The following ZNF525 variants were observed in gnomAD, a reference collection of about 807,000 sequenced individuals.
The protein encoded by ZNF525 is zinc finger protein 525.
ZNF525 carries 33 observed loss-of-function variants against 37.6 expected under a neutral mutation model. The ratio of observed to expected loss-of-function variants is 0.88; its 90% confidence interval spans 0.67 to 1.17. The LOEUF is 1.17. Ranked by LOEUF, ZNF525 falls within the 50% of genes most tolerant of loss-of-function variation. ZNF525 has a pLI of 0.00. For synonymous variants in ZNF525, 170 were observed against 182.3 expected (o/e 0.93, Z 0.54); for missense variants, 449 against 543.1 (o/e 0.83, Z 1.72).
At position 53,382,259 on chromosome 19, in the gene ZNF525, C is replaced by A. The variant is rs112464508; in HGVS notation, c.*240C>A. ...GGTGTAATAGGTGTGGCAAGACCTT[C>A]AGTCATACATCATCCCTTACATGCC... On this transcript the variant is annotated 3_prime_UTR_variant, in exon 4 of 4. Transcript: ENST00000474037. 0.025 allele frequency: 37,529 copies of A among 1,496,692 alleles called. 768 individuals are homozygous for A. Among genetic ancestry groups the A allele is most frequent in the Middle Eastern group, 0.08 (468 of 5,828 alleles). 92.7% of individuals were successfully genotyped at this position (1,496,692 alleles called of 1,614,324 possible).
chr19:53,385,351 C>A lies in ZNF525; in HGVS notation c.*3332C>A. ...AGTATAAAAAGAGACTCCATCAAAGCAATATAAATTCTGATGAAATTTAAA... is the reference window on the plus strand; with the variant it reads ...AGTATAAAAAGAGACTCCATCAAAGAAATATAAATTCTGATGAAATTTAAA... On this transcript the variant is annotated 3_prime_UTR_variant, in exon 4 of 4. Transcript: ENST00000474037. 1 of 180,854 alleles carries A rather than the reference C, an allele frequency of 5.5e-6. No individual in the cohort carries two copies. The highest frequency in any genetic ancestry group is 1.7e-4 in the South Asian group (1 of 5,878). The allele number at this position is 180,854 out of a possible 1,614,324, so 11.2% of individuals were successfully genotyped here.
chr19:53,380,604 C>T (rs978353007), intron 3 of ZNF525, 118 bp from the exon 4 acceptor site: 8 of 579,020 alleles, frequency 1.4e-5, no homozygotes, highest in South Asian at 5.7e-5. Context: ...CACATGTAAT[C>T]GCCCTTTATT....
intron 1 of ZNF525, among the ~76,000 whole-genome samples, chr19:53,370,810 T>C (rs934853451): frequency 6.6e-6 from 1 of 152,168 alleles, no homozygotes; most frequent in Non-Finnish European, 1.5e-5. Flanking sequence ...GTCACGTCAG[T>C]CCCTGGCAGG....
chr19:53,377,122 T>C (rs565296287), intron 3 of ZNF525, among the ~76,000 whole-genome samples: 2 of 152,348 alleles, frequency 1.3e-5, no homozygotes, highest in East Asian at 3.8e-4. Flanking sequence ...GGAAAAAAAG[T>C]TGAATTATGA....
At chr19:53,379,779 A>T (rs1423688801) in intron 3 of ZNF525, among the ~76,000 whole-genome samples, 2 of 152,164 alleles carry the variant, frequency 1.3e-5, no homozygotes, top group African/African-American at 2.4e-5. Flanking sequence ...AGGCGGGTGG[A>T]TCACTTGAGG....
At chr19:53,380,083 A>G (rs2085548669) in intron 3 of ZNF525, among the ~76,000 whole-genome samples, 1 of 152,024 alleles carries the variant, frequency 6.6e-6, no homozygotes, top group South Asian at 2.1e-4. Flanking sequence ...TATGACAGTT[A>G]TTCAGAAAAA....
At position 53,381,607 on chromosome 19, in the gene ZNF525, C is replaced by T; in HGVS notation, c.1028C>T (p.Ala343Val). 9.1e-7 allele frequency: 1 copy of T among 1,103,906 alleles called. No homozygotes were observed. The highest frequency in any genetic ancestry group is 1.4e-6 in the Non-Finnish European group (1 of 713,844). The allele number at this position is 1,103,906 out of a possible 1,614,324, so 68.4% of individuals were successfully genotyped here. The change falls in exon 4 of 4, where the codon GCA (alanine) becomes GTA (valine). Residue 343 changes from alanine to valine, a missense_variant. Transcript: ENST00000474037. ...ACCTTTAGTCAGAAGTCATACCTTGCATGCCATCGTAGCATTCATACTGGA... is the reference window on the plus strand; with the variant it reads ...ACCTTTAGTCAGAAGTCATACCTTGTATGCCATCGTAGCATTCATACTGGA... Reference protein sequence around the residue: ...GKTFSQKSYLACHRSIHTGKK... With the variant: ...GKTFSQKSYLVCHRSIHTGKK...
Position 53,383,663 on chromosome 19 carries a change from TC to T in ZNF525, c.*1645del. ...AGGGAAACTTGACTAACGTAATGAT[TC>T]TCACAACGTCTTCAGTAATGCTACA... On this transcript the variant is annotated 3_prime_UTR_variant, in exon 4 of 4. Transcript: ENST00000474037. The T allele has an allele frequency of 1.3e-6, 1 of 796,578 alleles. No individual in the cohort carries two copies. The highest frequency in any genetic ancestry group is 2.0e-6 in the Non-Finnish European group (1 of 503,430). 49.3% of individuals were successfully genotyped at this position (796,578 alleles called of 1,614,324 possible).
chr19:53,385,186 C>G lies in ZNF525; in HGVS notation c.*3167C>G. 2.0e-6 allele frequency: 1 copy of G among 496,046 alleles called. No homozygotes were observed. Among genetic ancestry groups the G allele is most frequent in the Non-Finnish European group, 3.5e-6 (1 of 282,568 alleles). 30.7% of individuals were successfully genotyped at this position (496,046 alleles called of 1,614,324 possible). A position where few individuals can be genotyped will look rare whatever the true frequency, so the allele number is the denominator to read the frequency against. ...ACAGTTTTCTAGGACAAGGGATCTTCAAGAAGTTCTGGAAAAATACATATT... is the reference window on the plus strand; with the variant it reads ...ACAGTTTTCTAGGACAAGGGATCTTGAAGAAGTTCTGGAAAAATACATATT... On this transcript the variant is annotated 3_prime_UTR_variant, in exon 4 of 4. Coordinates refer to ENST00000474037, the MANE Select transcript of ZNF525 (RefSeq NM_001348156.2).
At position 53,375,771 on chromosome 19, in the gene ZNF525, G is replaced by T. The variant is rs749348830; in HGVS notation, c.17G>T (p.Gly6Val). ...GGTTAAAATGTGTTTTCATTTCAGG[G>T]TCTATTGACATTCAGGGATGTGGCC... MALPQGLLTFRDVAIE... is the reference protein window; with the variant it reads MALPQVLLTFRDVAIE... Residue 6 changes from glycine to valine, a missense_variant and splice_region_variant, in exon 3 of 4, where the codon GGT becomes GTT. Physicochemically the swap from Gly to Val is moderately radical, Grantham distance 109. Around this residue, in one of 2 missense-constraint regions of ZNF525, gnomAD observed 271 missense variants for 381.6 expected, o/e 0.71. Transcript: ENST00000474037. 8.1e-6 allele frequency: 13 copies of T among 1,613,484 alleles called. No homozygotes were observed. The highest frequency in any genetic ancestry group is 1.1e-5 in the Non-Finnish European group (13 of 1,179,834).
intron 2 of ZNF525, 114 bp from the exon 3 acceptor site, chr19:53,375,656 G>C: frequency 6.2e-7 from 1 of 1,607,384 alleles, no homozygotes; most frequent in South Asian, 1.1e-5. Context: ...ACTCGGATTT[G>C]TCAGAACATT....
Position 53,372,199 on chromosome 19 carries a change from T to TCAGA in ZNF525, c.-67-16_-67-15insCAGA. On this transcript the variant is annotated splice_polypyrimidine_tract_variant and intron_variant, in intron 1 of 3. Transcript: ENST00000474037. ...TGTTGATTCTGAGCAATAAACAACA[T>TCAGA]ATTTTTATCACTCAGGATTGACATC... 1.5e-6 allele frequency: 1 copy of TCAGA among 679,054 alleles called. No individual in the cohort carries two copies. The highest frequency in any genetic ancestry group is 2.7e-6 in the Non-Finnish European group (1 of 377,318). The allele number at this position is 679,054 out of a possible 1,614,324, so 42.1% of individuals were successfully genotyped here.
chr19:53,367,149 A>T (rs1456168494), intron 1 of ZNF525, among the ~76,000 whole-genome samples: 1 of 151,638 alleles, frequency 6.6e-6, no homozygotes, highest in African/African-American at 2.4e-5. Context: ...TTTTTCCTTC[A>T]CCCTTGTTCT....
chr19:53,373,337 G>A (rs1053900124), intron 2 of ZNF525, among the ~76,000 whole-genome samples: 5 of 152,054 alleles, frequency 3.3e-5, no homozygotes, highest in Non-Finnish European at 5.9e-5. Flanking sequence ...CAGGTGATCT[G>A]CCTGCCTCAG....
At chr19:53,380,669 A>G (rs2085552690) in intron 3 of ZNF525, 53 bp from the exon 4 acceptor site, 1 of 841,426 alleles carries the variant, frequency 1.2e-6, no homozygotes. Context: ...ATGTTTGGGA[A>G]GTTTAAAATC....
chr19:53,372,629 C>T (rs1446966077), intron 2 of ZNF525, among the ~76,000 whole-genome samples: 1 of 152,088 alleles, frequency 6.6e-6, no homozygotes, highest in Admixed American at 6.6e-5. Context: ...TCTCTGTGGA[C>T]CAGGATTAGA....
At chr19:53,368,603 A>G (rs962830449) in intron 1 of ZNF525, among the ~76,000 whole-genome samples, 100 of 152,308 alleles carry the variant, frequency 6.6e-4, no homozygotes, top group African/African-American at 2.3e-3. Flanking sequence ...GGCTGCTAGC[A>G]ATGTTTTCAG....
At chr19:53,366,185 C>T (rs1340498929) in intron 1 of ZNF525, among the ~76,000 whole-genome samples, 1 of 133,904 alleles carries the variant, frequency 7.5e-6, no homozygotes, top group Admixed American at 8.1e-5. Context: ...CTACAAACCC[C>T]ACCCTTGTCT....
In ZNF525 at chr19:53,381,923, C is replaced by T. The variant is rs775485282; in HGVS notation, c.1344C>T (p.Phe448=). The part of the protein sequence containing the change: ...LYKCNECGKT[F]SQELSLTCHC... ...AATGTAATGAGTGTGGCAAGACCTTCAGTCAGGAGTTATCCCTTACCTGCC... is the reference window on the plus strand; with the variant it reads ...AATGTAATGAGTGTGGCAAGACCTTTAGTCAGGAGTTATCCCTTACCTGCC... The change falls in exon 4 of 4, where the codon TTC becomes TTT. Residue 448 remains phenylalanine (F), a synonymous_variant. Transcript: ENST00000474037. 3.4e-5 allele frequency: 33 copies of T among 968,656 alleles called. No homozygotes were observed. In the South Asian group the frequency reaches 3.7e-4, roughly 11 times the overall value. 60.0% of individuals were successfully genotyped at this position (968,656 alleles called of 1,614,324 possible). A position where few individuals can be genotyped will look rare whatever the true frequency, so the allele number is the denominator to read the frequency against.
Sources: gnomAD v4.1 joint callset for allele counts (sites outside exome capture counted in the v4.1 genomes callset) on GRCh38, gnomAD v4.1.1 for gene constraint, gnomAD v4.1.1 regional missense constraint, MANE v1.5 for transcripts, NCBI Gene and HGNC (gene_info 2026-07-23, HGNC 2026-07-21) for gene names.